Variants in TRRAP observed in about 807,000 individuals in gnomAD.
TRRAP encodes transformation/transcription domain associated protein.
In TRRAP, 41 loss-of-function variants were observed where a neutral mutation model predicts 438.8. That is an observed-to-expected ratio of 0.09 (90% CI 0.07 to 0.12). The LOEUF is 0.12. Among genes scored for constraint, TRRAP ranks in the 10% least tolerant of loss-of-function variants. The pLI, the probability that TRRAP is intolerant of heterozygous loss-of-function variation, is 1.00. For synonymous variants in TRRAP, 1,994 were observed against 1,962.9 expected, an observed-to-expected ratio of 1.02 and a Z score of -0.42; for missense variants, 3,122 against 5,055.1, an observed-to-expected ratio of 0.62 and a Z score of 11.60.
Position 98,908,599 on chromosome 7 carries a change from GA to G in TRRAP, c.1116-125del. On this transcript the variant is annotated intron_variant, in intron 13 of 72. Transcript: ENST00000456197. The surrounding 1 kb of genome is among the most constrained non-coding windows in gnomAD (Gnocchi z 4.1). ...TGTATCTGGGAGAGAGTAATGTGGT[GA>G]AAATGGGCCATGTAAGTGTGCCGAC... 1 of 730,582 alleles carries G rather than the reference GA, an allele frequency of 1.4e-6. No individual in the cohort carries two copies. The highest frequency in any genetic ancestry group is 2.3e-6 in the Non-Finnish European group (1 of 436,182). The allele number at this position is 730,582 out of a possible 1,614,324, so 45.3% of individuals were successfully genotyped here. A position where few individuals can be genotyped will look rare whatever the true frequency, so the allele number is the denominator to read the frequency against.
intron 7 of TRRAP, among the ~76,000 whole-genome samples, 162 bp from the exon 8 acceptor site, chr7:98,897,579 G>T (rs1223993168): frequency 6.6e-6 from 1 of 152,108 alleles, no homozygotes; most frequent in Non-Finnish European, 1.5e-5. Context: ...ATGAATGGCT[G>T]AGCCTAAATA....
At chr7:98,964,287 C>A (rs1792055054) in intron 47 of TRRAP, among the ~76,000 whole-genome samples, 1 of 152,078 alleles carries the variant, frequency 6.6e-6, no homozygotes, top group Admixed American at 6.5e-5. Flanking sequence ...GATTTTTCTT[C>A]CTCTTTTTCT....
chr7:98,929,726 T>C (rs1210081226), intron 23 of TRRAP, among the ~76,000 whole-genome samples: 2 of 152,102 alleles, frequency 1.3e-5, no homozygotes, highest in African/African-American at 4.8e-5. Flanking sequence ...CCTGAGTAGC[T>C]GGGATTACAG....
rs765609232 is a variant in TRRAP, at chr7:98,990,631, A to C, written c.9756+12A>C. On this transcript the variant is annotated intron_variant, in intron 64 of 72. Coordinates refer to ENST00000456197, the MANE Select transcript of TRRAP (RefSeq NM_001375524.1). ...ACCTCATTAGCCAGGTGGGAAGAGC[A>C]GGGTGGCCTTGTTCACGTGCACAAA... The C allele has an allele frequency of 3.2e-5, 52 of 1,601,360 alleles. No individual in the cohort carries two copies. Among genetic ancestry groups the C allele is most frequent in the Non-Finnish European group, 4.4e-5 (52 of 1,170,068 alleles).
chr7:98,907,756 CT>C (rs1796852158), intron 13 of TRRAP, among the ~76,000 whole-genome samples: 1 of 150,446 alleles, frequency 6.6e-6, no homozygotes, highest in Non-Finnish European at 1.5e-5. Context: ...TGCAGCTCCC[CT>C]CTCCAATCTG....
intron 14 of TRRAP, among the ~76,000 whole-genome samples, chr7:98,909,823 G>T (rs1187583647): frequency 6.6e-6 from 1 of 152,122 alleles, no homozygotes; most frequent in Non-Finnish European, 1.5e-5. Context: ...CAAAGGAGGT[G>T]CCCAGATGTT....
chr7:98,981,889 A>G lies in TRRAP; in HGVS notation c.8755A>G (p.Ser2919Gly), dbSNP rs1377067529. Residue 2919 changes from serine to glycine, a missense_variant, in exon 59 of 73, where the codon AGC becomes GGC. By Grantham distance (56) the Ser-to-Gly change is moderately conservative. Transcript: ENST00000456197. Reference sequence around the variant, plus strand: ...CATCGAGCGCCTGGTGGAGATGGCCAGCAGCCTGGCCATCCGCGAGTGGCG... The same window carrying G: ...CATCGAGCGCCTGGTGGAGATGGCCGGCAGCCTGGCCATCCGCGAGTGGCG... The part of the protein sequence containing the change: ...SFIERLVEMA[S>G]SLAIREWRRL... The G allele has an allele frequency of 1.2e-6, 2 of 1,609,846 alleles. No homozygotes were observed. The highest frequency in any genetic ancestry group is 1.7e-6 in the Non-Finnish European group (2 of 1,178,924).
chr7:98,999,553 C>G, intron 67 of TRRAP: 1 of 726,760 alleles, frequency 1.4e-6, no homozygotes, highest in Non-Finnish European at 2.5e-6. Flanking sequence ...AAACTGCATC[C>G]AGGCAGACAG....
rs775718338 is a variant in TRRAP, at chr7:98,990,540, A to G, written c.9677A>G (p.Gln3226Arg). Residue 3226 changes from glutamine to arginine, a missense_variant, in exon 64 of 73, where the codon CAG (glutamine) becomes CGG (arginine). By Grantham distance (43) the Gln-to-Arg change is conservative. Transcript: ENST00000456197. ...DKYCIGVPPI[Q>R]WLAWIPQLLT... ...TACTGCATTGGTGTGCCACCCATCC[A>G]GTGGCTGGCCTGGATCCCACAGCTG... 2 of 1,614,158 alleles carry G rather than the reference A, an allele frequency of 1.2e-6. No homozygotes were observed. The highest frequency in any genetic ancestry group is 1.7e-6 in the Non-Finnish European group (2 of 1,180,004).
intron 61 of TRRAP, 46 bp downstream of exon 61, chr7:98,984,404 C>A: frequency 6.7e-7 from 1 of 1,481,992 alleles, no homozygotes; most frequent in Non-Finnish European, 9.0e-7. Context: ...GAGATTGAGG[C>A]CAGGTGGAGA....
intron 5 of TRRAP, among the ~76,000 whole-genome samples, chr7:98,893,071 C>T (rs1161514160): frequency 2.6e-5 from 4 of 152,114 alleles, no homozygotes; most frequent in Non-Finnish European, 5.9e-5. Context: ...CATGCCTCAA[C>T]CTCCCGAGTA....
Position 99,004,356 on chromosome 7 carries a change from G to T in TRRAP, c.10476G>T (p.Val3492=), listed in dbSNP as rs766544414. ...ATTTCTCGGCACAGACAGCTGAAGT[G>T]GAAATTCCTGGGGAGTTTCTGATGC... ...LSNFSAQTAE[V]EIPGEFLMPK... is the part of the protein sequence containing the mutation. The change falls in exon 68 of 73, where the codon GTG becomes GTT. Residue 3492 remains valine (V), a synonymous_variant. Coordinates refer to ENST00000456197, the MANE Select transcript of TRRAP (RefSeq NM_001375524.1). 1 of 1,614,168 alleles carries T rather than the reference G, an allele frequency of 6.2e-7. No individual in the cohort carries two copies. The highest frequency in any genetic ancestry group is 1.1e-5 in the South Asian group (1 of 91,070).
intron 29 of TRRAP, 114 bp downstream of exon 29, chr7:98,937,391 G>C: frequency 7.0e-7 from 1 of 1,419,624 alleles, no homozygotes; most frequent in Non-Finnish European, 9.4e-7. Flanking sequence ...TGCCTAAAAG[G>C]CTTTATGCAT....
In TRRAP at chr7:98,901,149, G is replaced by A. The variant is rs571909056; in HGVS notation, c.897+429G>A. ...TCCCATAGGCTAGGTTGCTTACACGGTAGCAATTGTCTCACAGTTCTGGAG... is the reference window on the plus strand; with the variant it reads ...TCCCATAGGCTAGGTTGCTTACACGATAGCAATTGTCTCACAGTTCTGGAG... On this transcript the variant is annotated intron_variant, in intron 11 of 72. Transcript: ENST00000456197. Among the ~76,000 whole-genome samples, 23 of 152,344 alleles carry A rather than the reference G, an allele frequency of 1.5e-4. No individual in the cohort carries two copies. The East Asian group carries it at 4.4e-3, about 29-fold the overall frequency.
At chr7:98,917,761 G>T in intron 20 of TRRAP, 82 bp downstream of exon 20, 1 of 1,529,152 alleles carries the variant, frequency 6.5e-7, no homozygotes, top group Non-Finnish European at 8.8e-7. Context: ...TCAAGAGTGG[G>T]CTCTGCAAGA....
At chr7:98,937,075 T>C (rs1790589519) in intron 28 of TRRAP, 81 bp from the exon 29 acceptor site, 1 of 1,459,002 alleles carries the variant, frequency 6.9e-7, no homozygotes. Context: ...CAAATAATAA[T>C]AATAAATAAA....
At chr7:98,907,131 C>T (rs782800641) in intron 13 of TRRAP, among the ~76,000 whole-genome samples, 1 of 151,986 alleles carries the variant, frequency 6.6e-6, no homozygotes, top group African/African-American at 2.4e-5. Flanking sequence ...TGAGACCAGC[C>T]TGACCAACAT....
intron 3 of TRRAP, 29 bp downstream of exon 3, chr7:98,882,053 T>C (rs1554403191): frequency 6.3e-6 from 10 of 1,583,236 alleles, no homozygotes; most frequent in Non-Finnish European, 7.7e-6. Flanking sequence ...CTATTTTTCA[T>C]TTTGAGGTAA....
intron 49 of TRRAP, 103 bp downstream of exon 49, chr7:98,965,998 G>C: frequency 7.7e-7 from 1 of 1,301,200 alleles, no homozygotes; most frequent in East Asian, 2.5e-5. Context: ...ATTTTTTTCT[G>C]CTGTAATTGC....
Sources: gnomAD v4.1 joint callset for allele counts (sites outside exome capture counted in the v4.1 genomes callset) on GRCh38, gnomAD v4.1.1 for gene constraint, Gnocchi (gnomAD v3.1) non-coding constraint, MANE v1.5 for transcripts, NCBI Gene and HGNC (gene_info 2026-07-23, HGNC 2026-07-21) for gene names.